Variants in GRID2 observed in about 807,000 individuals in gnomAD.
GRID2 encodes the protein glutamate receptor ionotropic, delta-2.
A neutral mutation model predicts 114.8 loss-of-function variants in GRID2; 33 were observed. The ratio of observed to expected loss-of-function variants is 0.29; its 90% CI spans 0.22 to 0.38. The LOEUF is 0.38. GRID2 is among the 10% of genes least tolerant of loss of function. GRID2 has a pLI of 1.00. For missense variants in GRID2, 1,184 were observed against 1,257.7 expected (o/e 0.94, Z 0.89); for synonymous variants, 505 against 449.9 (o/e 1.12, Z -1.55).
intron 11 of GRID2, among the ~76,000 whole-genome samples, chr4:93,484,561 G>A (rs997153417): frequency 2.0e-5 from 3 of 151,904 alleles, no homozygotes; most frequent in Non-Finnish European, 4.4e-5. Flanking sequence ...GAGCAACTGG[G>A]GGGCTGCCAC....
intron 8 of GRID2, among the ~76,000 whole-genome samples, chr4:93,300,861 CGTG>C (rs1163022061): frequency 6.6e-6 from 1 of 152,172 alleles, no homozygotes; most frequent in Non-Finnish European, 1.5e-5. Flanking sequence ...GCAGGCAGTA[CGTG>C]ACAGGGGCTG....
chr4:92,347,454 A>G (rs1157496839), intron 1 of GRID2, among the ~76,000 whole-genome samples: 1 of 152,182 alleles, frequency 6.6e-6, no homozygotes, highest in Non-Finnish European at 1.5e-5. Flanking sequence ...GGATGAGCCT[A>G]TTTACTTCTC....
chr4:93,207,439 C>G lies in GRID2; in HGVS notation c.771C>G (p.His257Gln). The G allele has an allele frequency of 6.3e-7, 1 of 1,597,144 alleles. No homozygotes were observed. The highest frequency in any genetic ancestry group is 8.6e-7 in the Non-Finnish European group (1 of 1,165,248). The change falls in exon 5 of 16, where the codon CAC becomes CAG. Residue 257 changes from histidine (H) to glutamine (Q), a missense_variant. Physicochemically the swap from His to Gln is conservative, Grantham distance 24 (BLOSUM62 0). Around this residue, in one of 3 missense-constraint regions of GRID2, gnomAD observed 455 missense variants for 429.5 expected, o/e 1.06. Transcript: ENST00000282020. Reference sequence around the variant, plus strand: ...CTAATTTGGTTGCTTTTGACTGTCACTGGATCATTATAAATGAGGTAAAGC... The same window carrying G: ...CTAATTTGGTTGCTTTTGACTGTCAGTGGATCATTATAAATGAGGTAAAGC... ...VETNLVAFDC[H>Q]WIIINEEIND...
intron 2 of GRID2, among the ~76,000 whole-genome samples, chr4:92,705,205 A>G (rs928643144): frequency 7.9e-5 from 12 of 152,210 alleles, no homozygotes; most frequent in African/African-American, 2.9e-4. Flanking sequence ...TTATTATTCT[A>G]AACCAAAAGA....
chr4:92,392,976 A>G (rs1028121698), intron 1 of GRID2, among the ~76,000 whole-genome samples: 1 of 152,156 alleles, frequency 6.6e-6, no homozygotes, highest in African/African-American at 2.4e-5. Context: ...AAGAGGTTTA[A>G]TTGGCTATCA....
intron 2 of GRID2, among the ~76,000 whole-genome samples, chr4:92,627,123 C>T (rs1469081181): frequency 1.3e-5 from 2 of 151,946 alleles, no homozygotes; most frequent in South Asian, 2.1e-4. Context: ...ATTAAACATA[C>T]TTTAAAAATT....
intron 2 of GRID2, among the ~76,000 whole-genome samples, chr4:92,743,393 T>C (rs139985942): frequency 2.9e-4 from 44 of 152,348 alleles, no homozygotes; most frequent in Non-Finnish European, 1.8e-4. Flanking sequence ...AGCAGTCATA[T>C]AGATTTCTGA....
At chr4:93,104,774 G>A (rs1732040525) in intron 3 of GRID2, among the ~76,000 whole-genome samples, 1 of 152,222 alleles carries the variant, frequency 6.6e-6, no homozygotes, top group South Asian at 2.1e-4. Context: ...ACATACGTGT[G>A]CATGTGTCTT....
chr4:92,387,100 A>G (rs888082119), intron 1 of GRID2, among the ~76,000 whole-genome samples: 1 of 151,922 alleles, frequency 6.6e-6, no homozygotes, highest in African/African-American at 2.4e-5. Context: ...CAGTTAATAG[A>G]ATTATCTGTT....
chr4:92,730,780 G>A (rs1000889800), intron 2 of GRID2, among the ~76,000 whole-genome samples: 2 of 151,922 alleles, frequency 1.3e-5, no homozygotes, highest in African/African-American at 4.8e-5. Context: ...TTTGGCTGGT[G>A]CAAGCGAATA....
At chr4:92,445,919 A>G (rs1733435776) in intron 1 of GRID2, among the ~76,000 whole-genome samples, 1 of 152,162 alleles carries the variant, frequency 6.6e-6, no homozygotes, top group Admixed American at 6.6e-5. Flanking sequence ...TGTTACTAAA[A>G]TCAGTATAAA....
At chr4:92,483,138 A>C (rs1579443996) in intron 1 of GRID2, among the ~76,000 whole-genome samples, 1 of 152,060 alleles carries the variant, frequency 6.6e-6, no homozygotes, top group Non-Finnish European at 1.5e-5. Context: ...AGGAGTTAGA[A>C]ACCAGCCTGG....
At chr4:92,847,635 C>T (rs1743431522) in intron 2 of GRID2, among the ~76,000 whole-genome samples, 1 of 151,954 alleles carries the variant, frequency 6.6e-6, no homozygotes, top group African/African-American at 2.4e-5. Flanking sequence ...CTTACATACA[C>T]AGCTATACTG....
intron 13 of GRID2, among the ~76,000 whole-genome samples, chr4:93,589,031 C>CT (rs34878543): frequency 2.4e-3 from 357 of 148,510 alleles, no homozygotes; most frequent in Middle Eastern, 6.9e-3. Context: ...CACTCCCCTG[C>CT]TTTTTTTTTT....
At chr4:93,403,449 C>A (rs562867449) in intron 9 of GRID2, among the ~76,000 whole-genome samples, 157 of 152,024 alleles carry the variant, frequency 1.0e-3, no homozygotes, top group Non-Finnish European at 1.6e-3. Flanking sequence ...AGTTTACATT[C>A]TCTGGAAATA....
intron 14 of GRID2, among the ~76,000 whole-genome samples, chr4:93,718,262 A>G (rs770128085): frequency 2.0e-5 from 3 of 152,220 alleles, no homozygotes; most frequent in Non-Finnish European, 4.4e-5. Flanking sequence ...TGGATACAAA[A>G]AAATTATTTT....
At chr4:93,591,134 A>C (rs1213262414) in intron 13 of GRID2, among the ~76,000 whole-genome samples, 1 of 143,426 alleles carries the variant, frequency 7.0e-6, no homozygotes, top group Non-Finnish European at 1.5e-5. Flanking sequence ...GTCTTGTGCC[A>C]GTTTTCAAAG....
chr4:93,003,576 T>C (rs1272310560), intron 2 of GRID2, among the ~76,000 whole-genome samples: 1 of 152,028 alleles, frequency 6.6e-6, no homozygotes, highest in Non-Finnish European at 1.5e-5. Flanking sequence ...CTCCTCACTA[T>C]TTTGAGCAAT....
chr4:92,456,429 G>T (rs1330695813), intron 1 of GRID2, among the ~76,000 whole-genome samples: 1 of 152,066 alleles, frequency 6.6e-6, no homozygotes, highest in Non-Finnish European at 1.5e-5. Context: ...TTAAAAGTAA[G>T]ACTTGATACG....
Sources: gnomAD v4.1 joint callset for allele counts (sites outside exome capture counted in the v4.1 genomes callset) on GRCh38, gnomAD v4.1.1 for gene constraint, gnomAD v4.1.1 regional missense constraint, MANE v1.5 for transcripts, NCBI Gene and HGNC (gene_info 2026-07-23, HGNC 2026-07-21) for gene names.